Variants in INPP4B observed in about 807,000 individuals in gnomAD.
The protein encoded by INPP4B is inositol polyphosphate 4-phosphatase type II.
INPP4B carries 55 observed loss-of-function variants against 122.5 expected under a neutral mutation model. The observed-to-expected ratio is 0.45, with a 90% CI of 0.36 to 0.56. The LOEUF (loss-of-function observed/expected upper bound fraction) is 0.56, where lower values mean the gene tolerates loss of function less well. Ranked by LOEUF, INPP4B falls within the 20% of genes least tolerant of loss-of-function variation. The pLI is 0.00. For missense variants in INPP4B, 1,000 were observed against 1,097.7 expected (o/e 0.91, Z 1.26); for synonymous variants, 403 against 388.7 (o/e 1.04, Z -0.43).
chr4:142,510,464 G>T (rs1003159632), intron 2 of INPP4B, among the ~76,000 whole-genome samples: 1 of 152,110 alleles, frequency 6.6e-6, no homozygotes, highest in Non-Finnish European at 1.5e-5. Context: ...TTCACTTGTG[G>T]CACATTGATC....
chr4:142,508,985 T>C (rs1318502970), intron 2 of INPP4B, among the ~76,000 whole-genome samples: 1 of 152,190 alleles, frequency 6.6e-6, no homozygotes, highest in East Asian at 1.9e-4. Flanking sequence ...GGCTTCATCC[T>C]GGTCAAGGAA....
At chr4:142,656,600 C>T (rs996441345) in intron 2 of INPP4B, among the ~76,000 whole-genome samples, 16 of 152,124 alleles carry the variant, frequency 1.1e-4, no homozygotes, top group African/African-American at 3.6e-4. Context: ...CTGGTCCTAA[C>T]CACTTCCCGT....
At chr4:142,798,263 C>T (rs367890777) in intron 1 of INPP4B, among the ~76,000 whole-genome samples, 8 of 151,750 alleles carry the variant, frequency 5.3e-5, no homozygotes, top group African/African-American at 1.7e-4. Context: ...GAGCAATTAG[C>T]GGAGTACAAG....
chr4:142,250,723 C>T (rs941137386), intron 11 of INPP4B, among the ~76,000 whole-genome samples: 16 of 151,894 alleles, frequency 1.1e-4, no homozygotes, highest in African/African-American at 2.7e-4. Flanking sequence ...GTCTCATCTT[C>T]CCCTGATAAA....
intron 2 of INPP4B, among the ~76,000 whole-genome samples, chr4:142,669,681 T>C (rs1756699437): frequency 1.3e-5 from 2 of 152,302 alleles, no homozygotes; most frequent in Non-Finnish European, 1.5e-5. Context: ...ATGACTTAAA[T>C]GTAAAACCAG....
At chr4:142,464,348 CT>C (rs2149613806) in intron 2 of INPP4B, among the ~76,000 whole-genome samples, 1 of 152,126 alleles carries the variant, frequency 6.6e-6, no homozygotes, top group African/African-American at 2.4e-5. Flanking sequence ...TAAAGTTGTT[CT>C]TTAACCATTG....
chr4:142,345,810 C>T (rs946568227), intron 7 of INPP4B, among the ~76,000 whole-genome samples: 5 of 151,998 alleles, frequency 3.3e-5, no homozygotes, highest in African/African-American at 1.2e-4. Context: ...TTTATGCTTA[C>T]ATGCATGTAG....
In INPP4B at chr4:142,431,251, A is replaced by C; in HGVS notation, c.9T>G (p.Ile3Met). 1 of 1,612,708 alleles carries C rather than the reference A, an allele frequency of 6.2e-7. No individual in the cohort carries two copies. Among genetic ancestry groups the C allele is most frequent in the Non-Finnish European group, 8.5e-7 (1 of 1,179,042 alleles). ME[I>M]KEEGASEEGQ... ...CTTCTTCTGATGCCCCTTCCTCTTT[A>C]ATTTCCATGATCAACCTTCACAGTT... is the stretch of plus-strand genomic sequence containing the variant. The change falls in exon 4 of 26, where the codon ATT (isoleucine) becomes ATG (methionine). Residue 3 changes from isoleucine (I) to methionine (M), a missense_variant. Coordinates refer to ENST00000262992, the MANE Select transcript of INPP4B (RefSeq NM_001101669.3).
chr4:142,437,483 G>GA lies in INPP4B; in HGVS notation c.-126-6099dup, dbSNP rs545334084. Reference sequence around the variant, plus strand: ...CATATTCTCCAAGGTCGACATGAAGGAAAAAATATTAAGGGCAGCCAAAAA... The same window carrying GA: ...CATATTCTCCAAGGTCGACATGAAGGAAAAAAATATTAAGGGCAGCCAAAAA... On this transcript the variant is annotated intron_variant, in intron 3 of 25. Transcript: ENST00000262992. Among the ~76,000 whole-genome samples the GA allele has an allele frequency of 5.9e-4, 89 of 152,022 alleles. 3 individuals are homozygous for GA. In the East Asian group the frequency reaches 0.016, roughly 26 times the overall value.
rs1446634486 is a variant in INPP4B at position 142,585,223 on chromosome 4, T to C, written c.-190-122497A>G. ...TCCAGCTAAATTCAGTTGTTCTTGG[T>C]TCCTTTCACTCAAGAATGATGTTAG... On this transcript the variant is annotated intron_variant, in intron 2 of 25. Transcript: ENST00000262992. Among the ~76,000 whole-genome samples, 4 of 152,196 alleles carry C rather than the reference T, an allele frequency of 2.6e-5. No individual in the cohort carries two copies. The East Asian group carries it at 7.7e-4, about 29-fold the overall frequency.
chr4:142,747,713 C>T (rs949415600), intron 1 of INPP4B, among the ~76,000 whole-genome samples: 1 of 152,128 alleles, frequency 6.6e-6, no homozygotes, highest in African/African-American at 2.4e-5. Context: ...GAGTTCATGT[C>T]TTTTGTAGGG....
chr4:142,834,809 T>C (rs963159892), intron 1 of INPP4B, among the ~76,000 whole-genome samples: 4 of 152,158 alleles, frequency 2.6e-5, no homozygotes, highest in Non-Finnish European at 5.9e-5. Context: ...AAAATTTAAA[T>C]AAGTGGGAGA....
chr4:142,266,427 C>A (rs1579522564), intron 10 of INPP4B, among the ~76,000 whole-genome samples: 1 of 151,842 alleles, frequency 6.6e-6, no homozygotes, highest in Non-Finnish European at 1.5e-5. Context: ...AAGACCCTAG[C>A]CTATTCTGGG....
At chr4:142,212,063 G>C (rs1315892555) in intron 12 of INPP4B, among the ~76,000 whole-genome samples, 2 of 152,066 alleles carry the variant, frequency 1.3e-5, no homozygotes, top group Non-Finnish European at 2.9e-5. Context: ...TTAGGATTAG[G>C]ATTTAGCCAA....
At chr4:142,513,790 A>C (rs1367382229) in intron 2 of INPP4B, among the ~76,000 whole-genome samples, 1 of 152,188 alleles carries the variant, frequency 6.6e-6, no homozygotes, top group Non-Finnish European at 1.5e-5. Context: ...AAGGCCCCCA[A>C]CGCCTAATAC....
At chr4:142,527,568 A>G (rs946645830) in intron 2 of INPP4B, among the ~76,000 whole-genome samples, 1 of 152,086 alleles carries the variant, frequency 6.6e-6, no homozygotes, top group Admixed American at 6.6e-5. Context: ...CGAGAATTTC[A>G]AAACATTATA....
At chr4:142,207,730 G>C (rs1843135537) in intron 14 of INPP4B, among the ~76,000 whole-genome samples, 1 of 152,076 alleles carries the variant, frequency 6.6e-6, no homozygotes, top group African/African-American at 2.4e-5. Context: ...AGGGCATATA[G>C]TCATCCTAAA....
chr4:142,686,215 A>G (rs1759329090), intron 2 of INPP4B, among the ~76,000 whole-genome samples: 1 of 152,118 alleles, frequency 6.6e-6, no homozygotes, highest in African/African-American at 2.4e-5. Flanking sequence ...AAGGCCTCAA[A>G]TAACAAAAAG....
intron 3 of INPP4B, among the ~76,000 whole-genome samples, chr4:142,459,437 G>A (rs1816255320): frequency 6.6e-6 from 1 of 151,966 alleles, no homozygotes; most frequent in African/African-American, 2.4e-5. Flanking sequence ...AGGAGTAAGA[G>A]TGAAACGAAG....
Sources: allele counts gnomAD v4.1 joint callset (sites outside exome capture counted in the v4.1 genomes callset), GRCh38; gene constraint gnomAD v4.1.1; transcripts MANE v1.5; gene names NCBI Gene and HGNC (gene_info 2026-07-23, HGNC 2026-07-21).